CRLF2: variants seen among roughly 807,000 people sequenced by gnomAD.
The protein encoded by CRLF2 is cytokine receptor like factor 2, also known as cytokine receptor-like factor 2.
A neutral mutation model predicts 38.7 loss-of-function variants in CRLF2; 41 were observed. The observed-to-expected ratio is 1.06, with a 90% CI of 0.83 to 1.37. CRLF2 has a LOEUF of 1.37. CRLF2 is among the 40% of genes most tolerant of loss of function. The pLI, the probability that CRLF2 is intolerant of heterozygous loss-of-function variation, is 0.00. For synonymous variants in CRLF2, 140 were observed against 128.8 expected (o/e 1.09, Z -0.59); for missense variants, 377 against 322.2 (o/e 1.17, Z -1.30).
At chrX:1,197,093 CTTT>C (rs371615837) in intron 5 of CRLF2, among the ~76,000 whole-genome samples, 193 bp from the exon 6 acceptor site, 6 of 118,620 alleles carry the variant, frequency 5.1e-5, no homozygotes, top group Non-Finnish European at 5.0e-5. Flanking sequence ...AAATCTTTTA[CTTT>C]TTTTTTTTTT....
At chrX:1,201,658 G>C (rs1464634114) in intron 4 of CRLF2, among the ~76,000 whole-genome samples, 2 of 136,928 alleles carry the variant, frequency 1.5e-5, no homozygotes, top group East Asian at 4.1e-4. Flanking sequence ...ATTAGATAGA[G>C]AGACAGACAG....
chrX:1,210,428 C>A (rs1300788972), intron 1 of CRLF2, among the ~76,000 whole-genome samples: 1 of 152,128 alleles, frequency 6.6e-6, no homozygotes, highest in Non-Finnish European at 1.5e-5. Context: ...ATTCTCCTGC[C>A]TCAGCCTCCC....
At chrX:1,195,720 G>A (rs1157310011) in intron 6 of CRLF2, among the ~76,000 whole-genome samples, 86 of 143,862 alleles carry the variant, frequency 6.0e-4, no homozygotes, top group African/African-American at 2.1e-3. Context: ...TGGGACTACA[G>A]GTGCTAATTT....
chrX:1,191,468 C>G (rs1371189542), intron 7 of CRLF2, among the ~76,000 whole-genome samples: 19 of 151,412 alleles, frequency 1.3e-4, no homozygotes, highest in African/African-American at 4.4e-4. Flanking sequence ...AGGTCTAAGC[C>G]CCTACAAAGC....
chrX:1,207,422 A>AT (rs1491353238), intron 2 of CRLF2, among the ~76,000 whole-genome samples: 1 of 139,644 alleles, frequency 7.2e-6, no homozygotes, highest in Non-Finnish European at 1.6e-5. Flanking sequence ...CGCCCGGCTA[A>AT]TTTTTTTGTA....
rs1422156584 is a variant in CRLF2 at position 1,193,913 on chromosome X, A to G, written c.768-611T>C. On this transcript the variant is annotated intron_variant, in intron 6 of 7. Transcript: ENST00000400841. ...GAGGCAGAGGTTGCAGTGAGCTGAGATCACACCACTGCACTCCAGCTGGGG... is the reference window on the plus strand; with the variant it reads ...GAGGCAGAGGTTGCAGTGAGCTGAGGTCACACCACTGCACTCCAGCTGGGG... Among the ~76,000 whole-genome samples, 80 of 151,946 alleles carry G rather than the reference A, an allele frequency of 5.3e-4. No individual in the cohort carries two copies. The East Asian group carries it at 0.014, about 26-fold the overall frequency.
intron 2 of CRLF2, 34 bp from the exon 3 acceptor site, chrX:1,206,633 A>G (rs1216301775): frequency 6.2e-7 from 1 of 1,604,122 alleles, no homozygotes. Flanking sequence ...TCAGCAACAA[A>G]ACAAAAAAGC....
chrX:1,209,376 G>A, intron 1 of CRLF2, among the ~76,000 whole-genome samples: 1 of 151,130 alleles, frequency 6.6e-6, no homozygotes, highest in East Asian at 2.0e-4. Context: ...CTGTCACCCA[G>A]GCTGGACTGC....
intron 5 of CRLF2, 44 bp from the exon 6 acceptor site, chrX:1,196,944 T>C: frequency 6.3e-7 from 1 of 1,595,322 alleles, no homozygotes; most frequent in Non-Finnish European, 8.6e-7. Context: ...CAACATGACG[T>C]GCGGCTGTAC....
At chrX:1,202,748 T>G (rs2086630640) in intron 3 of CRLF2, among the ~76,000 whole-genome samples, 1 of 152,116 alleles carries the variant, frequency 6.6e-6, no homozygotes, top group Admixed American at 6.6e-5. Context: ...TCTAAAATTC[T>G]GCGGAAAATG....
chrX:1,192,006 C>T (rs1411974698), intron 7 of CRLF2, among the ~76,000 whole-genome samples: 28 of 143,562 alleles, frequency 2.0e-4, no homozygotes, highest in Non-Finnish European at 3.4e-4. Flanking sequence ...GAGATCGAGA[C>T]CATCCCGACT....
chrX:1,198,772 CA>C, intron 4 of CRLF2, 48 bp from the exon 5 acceptor site: 2 of 1,368,198 alleles, frequency 1.5e-6, no homozygotes, highest in Non-Finnish European at 2.0e-6. Context: ...CACACACACA[CA>C]CACACACACA....
At chrX:1,208,318 G>A (rs2086728057) in intron 2 of CRLF2, among the ~76,000 whole-genome samples, 1 of 152,132 alleles carries the variant, frequency 6.6e-6, no homozygotes. Context: ...CAGCACTTTG[G>A]GAGGCTGAGG....
chrX:1,207,548 G>T (rs570091452), intron 2 of CRLF2, among the ~76,000 whole-genome samples: 39 of 124,614 alleles, frequency 3.1e-4, no homozygotes, highest in Middle Eastern at 6.2e-3. Flanking sequence ...ACAGGCATGA[G>T]CCAACACCCC....
intron 2 of CRLF2, 92 bp downstream of exon 2, chrX:1,208,714 C>T (rs749612045): frequency 4.7e-5 from 38 of 817,080 alleles, no homozygotes; most frequent in Non-Finnish European, 7.8e-5. Flanking sequence ...ATGCTTTACA[C>T]TTTTGTTCTC....
chrX:1,206,491 G>GAA lies in CRLF2; in HGVS notation c.289_290dup (p.Ile99ProfsTer20). 1 of 1,613,620 alleles carries GAA rather than the reference G, an allele frequency of 6.2e-7. No individual in the cohort carries two copies. The highest frequency in any genetic ancestry group is 2.2e-5 in the East Asian group (1 of 44,888). On this transcript the variant is annotated frameshift_variant, in exon 3 of 8. Coordinates refer to ENST00000400841, the MANE Select transcript of CRLF2 (RefSeq NM_022148.4). LOFTEE classifies it high-confidence loss of function. ...CGGGGTGCGTCCCATTCCTGATGGAGAAATAGAGAATGTCGTCTCGCTGCT... is the reference window on the plus strand; with the variant it reads ...CGGGGTGCGTCCCATTCCTGATGGAGAAAAATAGAGAATGTCGTCTCGCTGCT...
At chrX:1,197,946 G>C (rs771070318) in intron 5 of CRLF2, among the ~76,000 whole-genome samples, 5 of 152,144 alleles carry the variant, frequency 3.3e-5, no homozygotes, top group Non-Finnish European at 7.4e-5. Context: ...ATGTTGCAGG[G>C]AGCCGAGATC....
Position 1,206,509 on chromosome X carries a change from T to C in CRLF2, c.273A>G (p.Arg91=). 6.2e-7 allele frequency: 1 copy of C among 1,613,678 alleles called. No individual in the cohort carries two copies. The highest frequency in any genetic ancestry group is 8.5e-7 in the Non-Finnish European group (1 of 1,179,640). ...TSGCLLDAEQ[R]DDILYFSIRN... is the part of the protein sequence containing the mutation. ...TGATGGAGAAATAGAGAATGTCGTCTCGCTGCTCTGCGTCTAGGAGGCACC... is the reference window on the plus strand; with the variant it reads ...TGATGGAGAAATAGAGAATGTCGTCCCGCTGCTCTGCGTCTAGGAGGCACC... Residue 91 remains arginine, a synonymous_variant, in exon 3 of 8, where the codon CGA becomes CGG. Transcript: ENST00000400841.
intron 4 of CRLF2, among the ~76,000 whole-genome samples, chrX:1,201,127 A>G (rs2086597170): frequency 6.6e-6 from 1 of 152,170 alleles, no homozygotes; most frequent in South Asian, 2.1e-4. Context: ...ATCTAAACAT[A>G]GAGAAGGTAC....
Sources: gnomAD v4.1 joint callset for allele counts (sites outside exome capture counted in the v4.1 genomes callset) on GRCh38, gnomAD v4.1.1 for gene constraint, MANE v1.5 for transcripts, NCBI Gene and HGNC (gene_info 2026-07-23, HGNC 2026-07-21) for gene names.